NT5DC4: variants seen among roughly 807,000 people sequenced by gnomAD.
The protein encoded by NT5DC4 is 5'-nucleotidase domain-containing protein 4.
Under a neutral mutation model 26.6 loss-of-function variants are expected in NT5DC4, and 44 were observed. The ratio of observed to expected loss-of-function variants is 1.65; its 90% CI spans 1.30 to 2.13. NT5DC4 has a LOEUF of 2.13. Ranked by LOEUF, NT5DC4 falls within the 30% of genes most tolerant of loss-of-function variation. The pLI is 0.00. For synonymous variants in NT5DC4, 157 were observed against 86.7 expected (o/e 1.81, Z -4.51); for missense variants, 399 against 228.1 (o/e 1.75, Z -4.83).
downstream of NT5DC4, chr2:112,742,530 C>A (rs1324029326): frequency 1.4e-6 from 1 of 713,304 alleles, no homozygotes. Context: ...AGTGCATTTA[C>A]TTGTAATAAT....
At chr2:112,722,690 A>C in intron 5 of NT5DC4, 24 bp from the exon 6 acceptor site, 3 of 717,540 alleles carry the variant, frequency 4.2e-6, no homozygotes, top group Middle Eastern at 4.6e-4. Flanking sequence ...TGGGCTGACA[A>C]CTGACCATCC....
upstream of NT5DC4, among the ~76,000 whole-genome samples, chr2:112,719,946 C>T (rs570210654): frequency 1.0e-3 from 108 of 103,368 alleles, no homozygotes; most frequent in Middle Eastern, 4.6e-3. Context: ...TTCTTTCTTT[C>T]TTTCTTTCTT....
chr2:112,738,088 A>G (rs1165530544), intron 16 of NT5DC4: 2 of 152,244 alleles, frequency 1.3e-5, no homozygotes, highest in Admixed American at 6.5e-5. Flanking sequence ...CTAGCTGAGC[A>G]AAGAACTGAA....
chr2:112,742,189 A>G (rs766356313), downstream of NT5DC4, among the ~76,000 whole-genome samples: 3 of 152,190 alleles, frequency 2.0e-5, no homozygotes, highest in Non-Finnish European at 2.9e-5. Flanking sequence ...TTCCATTCAT[A>G]TAACAAGTAT....
intron 15 of NT5DC4, among the ~76,000 whole-genome samples, chr2:112,728,461 G>T (rs1366857743): frequency 1.3e-5 from 2 of 152,210 alleles, no homozygotes; most frequent in African/African-American, 4.8e-5. Context: ...GTTAGTAGGA[G>T]TCATGGGACT....
At chr2:112,739,785 G>T (rs1404598911), downstream of NT5DC4, among the ~76,000 whole-genome samples, 1 of 152,118 alleles carries the variant, frequency 6.6e-6, no homozygotes, top group Non-Finnish European at 1.5e-5. Context: ...CTTTCAAGCT[G>T]GTGGGAGCAC....
upstream of NT5DC4, among the ~76,000 whole-genome samples, chr2:112,719,966 CTT>C (rs1213644900): frequency 9.6e-6 from 1 of 104,030 alleles, no homozygotes; most frequent in Non-Finnish European, 1.9e-5. Flanking sequence ...TTCTTTCTTT[CTT>C]TCTTTCTTTC....
At chr2:112,726,483 C>T (rs1194279990) in intron 14 of NT5DC4, among the ~76,000 whole-genome samples, 194 bp downstream of exon 14, 1 of 152,172 alleles carries the variant, frequency 6.6e-6, no homozygotes, top group Admixed American at 6.5e-5. Context: ...CACTCTGTGA[C>T]CTCTAGGCCC....
intron 16 of NT5DC4, among the ~76,000 whole-genome samples, chr2:112,734,206 T>G (rs1678813941): frequency 1.3e-5 from 2 of 151,824 alleles, no homozygotes; most frequent in African/African-American, 4.8e-5. Flanking sequence ...TGTGTGTACA[T>G]TAGTCAGGAT....
chr2:112,731,262 A>G (rs1002179537), intron 16 of NT5DC4: 1 of 152,018 alleles, frequency 6.6e-6, no homozygotes, highest in African/African-American at 2.4e-5. Context: ...GGAGCCTGCA[A>G]ACACTTCTTT....
At chr2:112,742,842 T>TC, downstream of NT5DC4, 1 of 935,380 alleles carries the variant, frequency 1.1e-6, no homozygotes, top group Non-Finnish European at 1.7e-6. Flanking sequence ...AACTTTAACT[T>TC]CAAATACATG....
At chr2:112,727,400 C>G (rs1410463415) in intron 15 of NT5DC4, 3 of 156,644 alleles carry the variant, frequency 1.9e-5, no homozygotes, top group African/African-American at 7.2e-5. Context: ...TCTCTAGGCT[C>G]TAAAAGCAGA....
chr2:112,738,902 AC>A lies in NT5DC4; in HGVS notation c.1345-10del. On this transcript the variant is annotated splice_polypyrimidine_tract_variant and intron_variant, in intron 16 of 16. Coordinates refer to ENST00000688554, the MANE Select transcript of NT5DC4 (RefSeq NM_001393655.1). ...GAATATAAAACATTTTGTTTCTTCC[AC>A]TTCTAACAGTTCATCAAGAGAAGCC... is the stretch of plus-strand genomic sequence containing the variant. 1 of 1,614,110 alleles carries A rather than the reference AC, an allele frequency of 6.2e-7. No individual in the cohort carries two copies. Among genetic ancestry groups the A allele is most frequent in the Non-Finnish European group, 8.5e-7 (1 of 1,179,964 alleles).
chr2:112,735,232 C>G (rs1218852753), intron 16 of NT5DC4, among the ~76,000 whole-genome samples: 1 of 151,814 alleles, frequency 6.6e-6, no homozygotes, highest in East Asian at 1.9e-4. Flanking sequence ...TTAGTAGAGA[C>G]AGGGTTTTGC....
chr2:112,725,673 C>T, intron 13 of NT5DC4, 121 bp downstream of exon 13: 1 of 552,286 alleles, frequency 1.8e-6, no homozygotes, highest in East Asian at 2.8e-5. Flanking sequence ...CCTGGCCACT[C>T]TGTTGTTTCT....
intron 16 of NT5DC4, chr2:112,731,686 T>G (rs1289926412): frequency 6.6e-6 from 1 of 152,262 alleles, no homozygotes; most frequent in Non-Finnish European, 1.5e-5. Context: ...TGCTCTGATG[T>G]CACTGATTTC....
chr2:112,730,897 A>G (rs960458351), intron 16 of NT5DC4, among the ~76,000 whole-genome samples: 10 of 152,144 alleles, frequency 6.6e-5, no homozygotes, highest in African/African-American at 1.9e-4. Context: ...CCCAGCAGAG[A>G]GATGGACACA....
chr2:112,732,335 T>TA (rs1247093962), intron 16 of NT5DC4, among the ~76,000 whole-genome samples: 3 of 152,172 alleles, frequency 2.0e-5, no homozygotes, highest in Admixed American at 2.0e-4. Context: ...GGTTCTCCAG[T>TA]AAATCCCAGG....
downstream of NT5DC4, among the ~76,000 whole-genome samples, chr2:112,739,660 C>T (rs1157750281): frequency 6.6e-6 from 1 of 152,106 alleles, no homozygotes; most frequent in Non-Finnish European, 1.5e-5. Flanking sequence ...TTCTTTCTAG[C>T]TTTTTCTTTT....
Sources: allele counts gnomAD v4.1 joint callset (sites outside exome capture counted in the v4.1 genomes callset), GRCh38; gene constraint gnomAD v4.1.1; transcripts MANE v1.5; gene names NCBI Gene and HGNC (gene_info 2026-07-23, HGNC 2026-07-21).